The following MACROD1 variants were observed in gnomAD, a reference collection of about 807,000 sequenced individuals.
MACROD1 encodes mono-ADP ribosylhydrolase 1.
MACROD1 carries 31 observed loss-of-function variants against 41.4 expected under a neutral mutation model. That is an observed-to-expected ratio of 0.75 (90% CI 0.56 to 1.01). The LOEUF (loss-of-function observed/expected upper bound fraction) is 1.01, where lower values mean the gene tolerates loss of function less well. Among genes scored for constraint, MACROD1 ranks in the 50% least tolerant of loss-of-function variants. MACROD1 has a pLI of 0.00. For synonymous variants in MACROD1, 252 were observed against 203.4 expected (o/e 1.24, Z -2.03); for missense variants, 473 against 460.0 (o/e 1.03, Z -0.26).
rs1361807960 is a variant in MACROD1, at chr11:64,082,353, A to AC, written c.518-67073dup. On this transcript the variant is annotated intron_variant, in intron 3 of 10. Coordinates refer to ENST00000255681, the MANE Select transcript of MACROD1 (RefSeq NM_014067.4). This position sits in a 1 kb window ranked among gnomAD's most constrained non-coding sequence, Gnocchi z 4.5. ...ATCCGGGGGGACCGTGGAAGGCAGGACGGGGGCCAGGAGCATGGCTGGAGT... is the reference window on the plus strand; with the variant it reads ...ATCCGGGGGGACCGTGGAAGGCAGGACCGGGGGCCAGGAGCATGGCTGGAGT... 6.6e-6 allele frequency among the ~76,000 whole-genome samples: 1 copy of AC among 151,048 alleles called. No individual in the cohort carries two copies. The highest frequency in any genetic ancestry group is 1.5e-5 in the Non-Finnish European group (1 of 67,702).
At chr11:64,021,516 G>A (rs993901462) in intron 3 of MACROD1, among the ~76,000 whole-genome samples, 1 of 152,230 alleles carries the variant, frequency 6.6e-6, no homozygotes, top group African/African-American at 2.4e-5. Flanking sequence ...GGGAGAGGCT[G>A]GGCGAGCAGG....
At chr11:64,110,433 G>A (rs1944840568) in intron 3 of MACROD1, among the ~76,000 whole-genome samples, 1 of 150,670 alleles carries the variant, frequency 6.6e-6, no homozygotes, top group Non-Finnish European at 1.5e-5. Context: ...CTGGGTGACA[G>A]AGCGAGACTG....
intron 3 of MACROD1, among the ~76,000 whole-genome samples, chr11:64,098,478 C>T (rs1051599474): frequency 3.9e-5 from 6 of 152,258 alleles, no homozygotes; most frequent in African/African-American, 1.2e-4. Context: ...TCCCTGCCCC[C>T]AGCCTTCTGT....
chr11:64,133,600 C>T (rs1413735580), intron 3 of MACROD1, among the ~76,000 whole-genome samples: 1 of 152,208 alleles, frequency 6.6e-6, no homozygotes, highest in East Asian at 1.9e-4. Flanking sequence ...GACCCAGACC[C>T]CATGGGCATG....
chr11:64,028,637 AC>A (rs1943254318), intron 3 of MACROD1, among the ~76,000 whole-genome samples: 1 of 151,742 alleles, frequency 6.6e-6, no homozygotes, highest in Non-Finnish European at 1.5e-5. Context: ...TTGCTGGGCA[AC>A]CCCATCGCGC....
intron 4 of MACROD1, among the ~76,000 whole-genome samples, chr11:64,006,767 C>T (rs922453605): frequency 2.6e-5 from 4 of 152,094 alleles, no homozygotes; most frequent in Non-Finnish European, 4.4e-5. Flanking sequence ...CGGGGTGGGG[C>T]GGGAAGTGAG....
In MACROD1 at chr11:64,096,931, G is replaced by T. The variant is rs936163083; in HGVS notation, c.517+54308C>A. Among the ~76,000 whole-genome samples the T allele has an allele frequency of 3.9e-5, 6 of 152,192 alleles. No individual in the cohort carries two copies. The highest frequency in any genetic ancestry group is 7.3e-5 in the Non-Finnish European group (5 of 68,030). ...AGCTGGGTGCGAGTGGCCCTTGCTG[G>T]TCCCCCGCTCACCCACTCTCTCAGC... On this transcript the variant is annotated intron_variant, in intron 3 of 10. Transcript: ENST00000255681. The surrounding 1 kb of genome is among the most constrained non-coding windows in gnomAD (Gnocchi z 4.6).
chr11:64,005,482 G>A (rs1025995999), intron 4 of MACROD1, among the ~76,000 whole-genome samples: 2 of 152,224 alleles, frequency 1.3e-5, no homozygotes, highest in African/African-American at 4.8e-5. Context: ...GGCCCCAAGA[G>A]CAGGGAGGTG....
intron 3 of MACROD1, among the ~76,000 whole-genome samples, chr11:64,142,053 A>C (rs988795556): frequency 3.9e-5 from 6 of 152,174 alleles, no homozygotes; most frequent in African/African-American, 1.4e-4. Flanking sequence ...CAGGAACCTC[A>C]TAAGGACCTA....
intron 3 of MACROD1, among the ~76,000 whole-genome samples, chr11:64,112,219 A>G (rs1300145019): frequency 6.6e-6 from 1 of 152,164 alleles, no homozygotes; most frequent in African/African-American, 2.4e-5. Context: ...GAGACAGACA[A>G]TAAAAACAAA....
intron 1 of MACROD1, among the ~76,000 whole-genome samples, chr11:64,153,721 G>A (rs937738092): frequency 6.6e-6 from 1 of 152,178 alleles, no homozygotes; most frequent in Non-Finnish European, 1.5e-5. Context: ...CCCCTGGTCA[G>A]CCCCCACTGC....
At chr11:64,157,384 G>A (rs750030149) in intron 1 of MACROD1, among the ~76,000 whole-genome samples, 75 of 152,130 alleles carry the variant, frequency 4.9e-4, no homozygotes, top group Non-Finnish European at 8.5e-4. Context: ...GTGAGCCACC[G>A]CGCCCGGCCT....
At position 64,067,306 on chromosome 11, in the gene MACROD1, C is replaced by T. The variant is rs1482336462; in HGVS notation, c.518-52025G>A. The stretch of plus-strand genomic sequence containing the variant: ...TCATTAACACGACATGGCCTCCTCC[C>T]CACTGCTCAGCCTCTCCCGGAGGAT... On this transcript the variant is annotated intron_variant, in intron 3 of 10. Transcript: ENST00000255681. This position sits in a 1 kb window ranked among gnomAD's most constrained non-coding sequence, Gnocchi z 4.6. 6.6e-6 allele frequency among the ~76,000 whole-genome samples: 1 copy of T among 152,112 alleles called. No individual in the cohort carries two copies. Among genetic ancestry groups the T allele is most frequent in the Admixed American group, 6.6e-5 (1 of 15,264 alleles).
rs929954269 is a variant in MACROD1, at chr11:64,090,211, C to T, written c.517+61028G>A. 3.9e-5 allele frequency among the ~76,000 whole-genome samples: 6 copies of T among 152,166 alleles called. No individual in the cohort carries two copies. Among genetic ancestry groups the T allele is most frequent in the African/African-American group, 1.4e-4 (6 of 41,444 alleles). On this transcript the variant is annotated intron_variant, in intron 3 of 10. Coordinates refer to ENST00000255681, the MANE Select transcript of MACROD1 (RefSeq NM_014067.4). This position sits in a 1 kb window ranked among gnomAD's most constrained non-coding sequence, Gnocchi z 4.7. ...CGAACAGCCTGAGTCCACAGGGTGA[C>T]AGGGTGTGGGAAAGGCCAACGGGCG...
At chr11:64,037,097 C>G (rs77406281) in intron 3 of MACROD1, among the ~76,000 whole-genome samples, 6,965 of 152,100 alleles carry the variant, frequency 0.046, 204 homozygotes, top group South Asian at 0.079. Flanking sequence ...CCCCCGAGGC[C>G]CAAGCCAGAG....
rs142197130 is a variant in MACROD1 at position 64,145,447 on chromosome 11, C to T, written c.517+5792G>A. 1.3e-3 allele frequency among the ~76,000 whole-genome samples: 201 copies of T among 152,272 alleles called. 1 individual carries two copies. Among genetic ancestry groups the T allele is most frequent in the African/African-American group, 4.3e-3 (179 of 41,570 alleles). The stretch of plus-strand genomic sequence containing the variant: ...CAGTAATCATTTCCTGGGGACTCTC[C>T]GTGTGCCAGGCCCTGGGCCCAGGGC... On this transcript the variant is annotated intron_variant, in intron 3 of 10. Coordinates refer to ENST00000255681, the MANE Select transcript of MACROD1 (RefSeq NM_014067.4).
chr11:64,062,587 T>G (rs772869575), intron 3 of MACROD1, among the ~76,000 whole-genome samples: 2 of 152,190 alleles, frequency 1.3e-5, no homozygotes, highest in Admixed American at 1.3e-4. Flanking sequence ...AACACCACCA[T>G]GTACAGGCAC....
chr11:64,067,153 G>A lies in MACROD1; in HGVS notation c.518-51872C>T, dbSNP rs908518384. Among the ~76,000 whole-genome samples, 1 of 152,212 alleles carries A rather than the reference G, an allele frequency of 6.6e-6. No homozygotes were observed. The highest frequency in any genetic ancestry group is 1.5e-5 in the Non-Finnish European group (1 of 68,046). On this transcript the variant is annotated intron_variant, in intron 3 of 10. Coordinates refer to ENST00000255681, the MANE Select transcript of MACROD1 (RefSeq NM_014067.4). The surrounding 1 kb of genome is among the most constrained non-coding windows in gnomAD (Gnocchi z 4.6). ...GGCCAAGTAGGCAGGGCTGGTGGGG[G>A]TGGGAGGCCGGCCATACCCACCTGT...
Position 64,090,693 on chromosome 11 carries a change from G to A in MACROD1, c.517+60546C>T, listed in dbSNP as rs1394232723. Among the ~76,000 whole-genome samples the A allele has an allele frequency of 2.0e-5, 3 of 152,030 alleles. No homozygotes were observed. The highest frequency in any genetic ancestry group is 7.3e-5 in the African/African-American group (3 of 41,374). On this transcript the variant is annotated intron_variant, in intron 3 of 10. Transcript: ENST00000255681. This position sits in a 1 kb window ranked among gnomAD's most constrained non-coding sequence, Gnocchi z 4.7. The stretch of plus-strand genomic sequence containing the variant: ...CAGACCACTTCTCTGAGGCGGGGAC[G>A]TCCCAAGACTAAAATGGGGGCAGGG...
Sources: allele counts gnomAD v4.1 joint callset (sites outside exome capture counted in the v4.1 genomes callset), GRCh38; gene constraint gnomAD v4.1.1; non-coding constraint Gnocchi (gnomAD v3.1); transcripts MANE v1.5; gene names NCBI Gene and HGNC (gene_info 2026-07-23, HGNC 2026-07-21).